ERICH2: variants seen among roughly 807,000 people sequenced by gnomAD.
ERICH2 encodes glutamate-rich protein 2.
In ERICH2, 17 loss-of-function variants were observed where a neutral mutation model predicts 17.4. The ratio of observed to expected loss-of-function variants is 0.98; its 90% CI spans 0.67 to 1.47. The LOEUF is 1.47. Ranked by LOEUF, ERICH2 falls within the 40% of genes most tolerant of loss-of-function variation. The probability of loss-of-function intolerance (pLI) is 0.00; values close to 1 mark genes in which losing one functional copy is unlikely to be tolerated. For synonymous variants in ERICH2, 51 were observed against 61.1 expected, an observed-to-expected ratio of 0.83 and a Z score of 0.77; for missense variants, 186 against 183.2, an observed-to-expected ratio of 1.01 and a Z score of -0.09.
At chr2:170,783,758 T>C, upstream of ERICH2, 1 of 1,543,242 alleles carries the variant, frequency 6.5e-7, no homozygotes, top group Non-Finnish European at 8.8e-7. Context: ...TTCCTCATTA[T>C]GACCTCCCTT....
At chr2:170,795,862 C>T (rs766811843) in intron 3 of ERICH2, among the ~76,000 whole-genome samples, 9 of 151,982 alleles carry the variant, frequency 5.9e-5, no homozygotes, top group East Asian at 1.9e-4. Flanking sequence ...CATGGAGGTC[C>T]GGAAGATTTA....
chr2:170,770,934 C>T, the ERICH2 span, among the ~76,000 whole-genome samples: 2 of 148,518 alleles, frequency 1.3e-5, no homozygotes, highest in African/African-American at 2.5e-5. Flanking sequence ...GGCCTGGGCC[C>T]GCCTCCACCC....
At chr2:170,783,999 T>A in intron 1 of ERICH2, 1 of 1,282,260 alleles carries the variant, frequency 7.8e-7, no homozygotes, top group Non-Finnish European at 1.1e-6. Context: ...TTTGTTGTTG[T>A]TGTTCTGTGT....
chr2:170,794,892 G>A (rs993534402), intron 3 of ERICH2, among the ~76,000 whole-genome samples: 2 of 152,180 alleles, frequency 1.3e-5, no homozygotes, highest in Non-Finnish European at 2.9e-5. Context: ...TTCCTATCTT[G>A]TATCTGAGGT....
rs184565476 is a variant in ERICH2, at chr2:170,798,743, A to G, written c.347-27A>G. 59 of 1,550,140 alleles carry G rather than the reference A, an allele frequency of 3.8e-5. No individual in the cohort carries two copies. The Admixed American group carries it at 1.1e-3, about 28-fold the overall frequency. On this transcript the variant is annotated intron_variant, in intron 4 of 4. Coordinates refer to ENST00000409885, the Ensembl canonical transcript of ERICH2. ...AGAGTGAAATATTAAGAAACACCTT[A>G]AGCAATCCTCTTCCTTTCTGTGGCA...
At chr2:170,787,429 C>T (rs1226825930) in intron 2 of ERICH2, among the ~76,000 whole-genome samples, 2 of 152,226 alleles carry the variant, frequency 1.3e-5, no homozygotes, top group South Asian at 4.1e-4. Context: ...AAGGACAGTA[C>T]TAAGGCAGTG....
intron 2 of ERICH2, among the ~76,000 whole-genome samples, chr2:170,789,300 G>A (rs1412192959): frequency 2.0e-5 from 3 of 151,920 alleles, no homozygotes; most frequent in Non-Finnish European, 4.4e-5. Context: ...CTTGAAATTG[G>A]TTGTAGACAT....
At chr2:170,797,966 T>G in intron 3 of ERICH2, 75 bp from the exon 9 acceptor site, 1 of 996,776 alleles carries the variant, frequency 1.0e-6, no homozygotes, top group East Asian at 2.6e-5. Flanking sequence ...ACAGTTCAAT[T>G]TCATTCTAAG....
At chr2:170,787,927 C>G (rs767202822) in intron 2 of ERICH2, among the ~76,000 whole-genome samples, 1 of 152,160 alleles carries the variant, frequency 6.6e-6, no homozygotes, top group African/African-American at 2.4e-5. Context: ...ATATTTATGT[C>G]TAATTTTATG....
At chr2:170,780,731 A>G (rs1209918525), upstream of ERICH2, among the ~76,000 whole-genome samples, 1 of 152,214 alleles carries the variant, frequency 6.6e-6, no homozygotes, top group Non-Finnish European at 1.5e-5. Flanking sequence ...TTTAGTGTAC[A>G]TAAAACGATG....
At chr2:170,796,582 C>A (rs1236375770) in intron 3 of ERICH2, among the ~76,000 whole-genome samples, 1 of 151,940 alleles carries the variant, frequency 6.6e-6, no homozygotes, top group Admixed American at 6.6e-5. Flanking sequence ...ACTACAAGCA[C>A]GTGTTACCAC....
chr2:170,782,428 T>C, upstream of ERICH2: 1 of 950,406 alleles, frequency 1.1e-6, no homozygotes, highest in Non-Finnish European at 1.3e-6. Flanking sequence ...TAACTATGGC[T>C]TCTAATTGAA....
the ERICH2 span, among the ~76,000 whole-genome samples, chr2:170,773,005 G>T: frequency 2.6e-5 from 4 of 152,134 alleles, no homozygotes; most frequent in African/African-American, 9.7e-5. Context: ...TTTTATAAAA[G>T]GTGTTTTTGT....
chr2:170,786,063 G>T (rs942624922), intron 2 of ERICH2, among the ~76,000 whole-genome samples: 2 of 151,782 alleles, frequency 1.3e-5, no homozygotes, highest in African/African-American at 4.8e-5. Context: ...CTTTTCAAGA[G>T]ATTTTAAAAT....
At chr2:170,789,394 G>A (rs1295158413) in intron 2 of ERICH2, among the ~76,000 whole-genome samples, 1 of 152,142 alleles carries the variant, frequency 6.6e-6, no homozygotes, top group Non-Finnish European at 1.5e-5. Flanking sequence ...TCACAACTAA[G>A]AAAATTAGTA....
At chr2:170,796,431 TTTTTTTTTG>T (rs765738504) in intron 3 of ERICH2, among the ~76,000 whole-genome samples, 37,453 of 87,932 alleles carry the variant, frequency 0.43, 5,125 homozygotes, top group East Asian at 0.63. Context: ...TCTCTTTGTT[TTTTTTTTTG>T]TTTTTTTTTT....
the ERICH2 span, chr2:170,771,376 C>G: frequency 4.6e-5 from 7 of 152,298 alleles, no homozygotes; most frequent in African/African-American, 1.7e-4. This position sits in a 1 kb window ranked among gnomAD's most constrained non-coding sequence, Gnocchi z 4.8. Context: ...GGATGCGCGC[C>G]ACTGGGGTGC....
chr2:170,791,965 A>C (rs1181436168), intron 2 of ERICH2, among the ~76,000 whole-genome samples: 1 of 152,170 alleles, frequency 6.6e-6, no homozygotes, highest in Non-Finnish European at 1.5e-5. Context: ...TTACAGAATA[A>C]AACTCATATA....
chr2:170,784,773 T>C, exon 2 of ERICH2: 3 of 1,543,954 alleles, frequency 1.9e-6, no homozygotes, highest in South Asian at 2.4e-5. Flanking sequence ...ATGATGAAGA[T>C]GATGATGAAG....
Sources: allele counts gnomAD v4.1 joint callset (sites outside exome capture counted in the v4.1 genomes callset), GRCh38; gene constraint gnomAD v4.1.1; non-coding constraint Gnocchi (gnomAD v3.1); transcripts MANE v1.5; gene names NCBI Gene and HGNC (gene_info 2026-07-23, HGNC 2026-07-21).